Variants in MAF observed in about 807,000 individuals in gnomAD.
The protein encoded by MAF is transcription factor Maf.
In MAF, 10 loss-of-function variants were observed where a neutral mutation model predicts 22.0. The observed-to-expected ratio is 0.45, with a 90% CI of 0.28 to 0.77. The LOEUF is 0.77. Among genes scored for constraint, MAF ranks in the 30% least tolerant of loss-of-function variants. The pLI is 0.12. For missense variants in MAF, 544 were observed against 548.4 expected, an observed-to-expected ratio of 0.99 and a Z score of 0.08; for synonymous variants, 337 against 255.8, an observed-to-expected ratio of 1.32 and a Z score of -3.03.
chr16:79,500,144 C>G, the MAF span, among the ~76,000 whole-genome samples: 15 of 152,316 alleles, frequency 9.8e-5, no homozygotes, highest in South Asian at 1.2e-3. Flanking sequence ...ACGGTCTGGC[C>G]TCCAGGACTT....
At chr16:79,419,050 G>A in the MAF span, among the ~76,000 whole-genome samples, 1 of 152,226 alleles carries the variant, frequency 6.6e-6, no homozygotes, top group Non-Finnish European at 1.5e-5. Flanking sequence ...TTTCATAAAT[G>A]TCAGCAGTGT....
At chr16:79,403,585 C>T in the MAF span, among the ~76,000 whole-genome samples, 1 of 152,156 alleles carries the variant, frequency 6.6e-6, no homozygotes, top group Non-Finnish European at 1.5e-5. Flanking sequence ...TTTCAGCCCA[C>T]ATTCAAGCTC....
At chr16:79,583,788 T>C (rs1912672884), downstream of MAF, among the ~76,000 whole-genome samples, 1 of 152,208 alleles carries the variant, frequency 6.6e-6, no homozygotes, top group Admixed American at 6.5e-5. Flanking sequence ...ATCATCATCA[T>C]GTGTTTCCCT....
the MAF span, among the ~76,000 whole-genome samples, chr16:79,376,634 G>C: frequency 2.0e-5 from 3 of 151,834 alleles, no homozygotes; most frequent in Non-Finnish European, 4.4e-5. Context: ...CCATTAACTC[G>C]TCATTTAGCA....
the MAF span, among the ~76,000 whole-genome samples, chr16:79,262,214 T>G: frequency 6.6e-6 from 1 of 152,028 alleles, no homozygotes; most frequent in African/African-American, 2.4e-5. Flanking sequence ...CCTCAGAGGT[T>G]TGGGGGACTG....
chr16:79,434,526 CA>C, the MAF span, among the ~76,000 whole-genome samples: 1 of 151,958 alleles, frequency 6.6e-6, no homozygotes, highest in African/African-American at 2.4e-5. Flanking sequence ...CCCATTGGCT[CA>C]CTAGAGCCAG....
the MAF span, among the ~76,000 whole-genome samples, chr16:79,417,774 T>G: frequency 6.6e-6 from 1 of 152,154 alleles, no homozygotes; most frequent in Non-Finnish European, 1.5e-5. Flanking sequence ...GTTTACAGCT[T>G]TTGGATAAAA....
At chr16:79,563,913 C>G in the MAF span, among the ~76,000 whole-genome samples, 1 of 152,240 alleles carries the variant, frequency 6.6e-6, no homozygotes, top group African/African-American at 2.4e-5. Context: ...CTCCTCAGGA[C>G]AGGATCACCT....
chr16:79,483,555 G>A, the MAF span, among the ~76,000 whole-genome samples: 9 of 151,884 alleles, frequency 5.9e-5, no homozygotes, highest in Non-Finnish European at 1.0e-4. Context: ...GAATAGAATG[G>A]GCAAGATTGA....
the MAF span, among the ~76,000 whole-genome samples, chr16:79,360,265 T>C: frequency 6.6e-6 from 1 of 152,238 alleles, no homozygotes; most frequent in Non-Finnish European, 1.5e-5. Context: ...CATGTTCTGC[T>C]ATCCACCTGT....
the MAF span, among the ~76,000 whole-genome samples, chr16:79,576,045 C>G: frequency 2.6e-5 from 4 of 151,914 alleles, no homozygotes; most frequent in Non-Finnish European, 5.9e-5. Context: ...GAATAATGAC[C>G]TTTACCCCAC....
At chr16:79,324,128 CAA>C in the MAF span, among the ~76,000 whole-genome samples, 17 of 152,318 alleles carry the variant, frequency 1.1e-4, no homozygotes, top group South Asian at 3.5e-3. Context: ...TGACTTCTGA[CAA>C]TTTACTTTAA....
the MAF span, among the ~76,000 whole-genome samples, chr16:79,449,127 C>T: frequency 2.0e-5 from 3 of 152,310 alleles, no homozygotes; most frequent in East Asian, 3.9e-4. Context: ...CTGGCATGCA[C>T]AGTTCACAAT....
At chr16:79,408,951 CTT>C in the MAF span, among the ~76,000 whole-genome samples, 1,115 of 140,560 alleles carry the variant, frequency 7.9e-3, 3 homozygotes, top group African/African-American at 0.013. Context: ...TTTTTTACTG[CTT>C]TTTTTTTTTT....
the MAF span, among the ~76,000 whole-genome samples, chr16:79,286,524 A>G: frequency 6.6e-6 from 1 of 152,154 alleles, no homozygotes; most frequent in Non-Finnish European, 1.5e-5. Flanking sequence ...TATTTGCCAC[A>G]CCATTATCCT....
At chr16:79,251,461 A>G in the MAF span, among the ~76,000 whole-genome samples, 3 of 151,868 alleles carry the variant, frequency 2.0e-5, no homozygotes, top group Non-Finnish European at 4.4e-5. Context: ...GATTACAGGC[A>G]CCTGCCACCA....
At chr16:79,344,431 T>C in the MAF span, among the ~76,000 whole-genome samples, 12 of 152,292 alleles carry the variant, frequency 7.9e-5, no homozygotes, top group African/African-American at 2.9e-4. Flanking sequence ...AATGGGACAA[T>C]TTTGAACCTG....
the MAF span, among the ~76,000 whole-genome samples, chr16:79,493,179 G>C: frequency 2.1e-5 from 3 of 144,584 alleles, no homozygotes; most frequent in Non-Finnish European, 4.6e-5. Context: ...TTTTTTGTTT[G>C]TTTTTTTGTT....
chr16:79,413,742 T>C, the MAF span, among the ~76,000 whole-genome samples: 1 of 152,204 alleles, frequency 6.6e-6, no homozygotes, highest in Non-Finnish European at 1.5e-5. Context: ...TAATATTAGT[T>C]ATTTTCCTTC....
Sources: allele counts gnomAD v4.1 joint callset (sites outside exome capture counted in the v4.1 genomes callset), GRCh38; gene constraint gnomAD v4.1.1; transcripts MANE v1.5; gene names NCBI Gene and HGNC (gene_info 2026-07-23, HGNC 2026-07-21).